Variants in KPNA3 observed in about 807,000 individuals in gnomAD.
KPNA3 encodes importin subunit alpha-4.
Under a neutral mutation model 73.8 loss-of-function variants are expected in KPNA3, and 13 were observed. The observed-to-expected ratio is 0.18, with a 90% CI of 0.11 to 0.28. The LOEUF is 0.28. KPNA3 is among the 10% of genes least tolerant of loss of function. KPNA3 has a pLI of 1.00. For missense variants in KPNA3, 360 were observed against 618.1 expected (o/e 0.58, Z 4.43); for synonymous variants, 186 against 206.9 (o/e 0.90, Z 0.87).
At chr13:49,709,191 A>C (rs1318059926) in intron 12 of KPNA3, among the ~76,000 whole-genome samples, 1 of 152,160 alleles carries the variant, frequency 6.6e-6, no homozygotes, top group Non-Finnish European at 1.5e-5. Context: ...TCACAAGGTC[A>C]GGAGTTCGAG....
At chr13:49,735,929 C>G (rs1566344611) in intron 2 of KPNA3, among the ~76,000 whole-genome samples, 1 of 152,064 alleles carries the variant, frequency 6.6e-6, no homozygotes, top group South Asian at 2.1e-4. Context: ...CTTTTCATTC[C>G]CAAATTCCTC....
At chr13:49,731,524 C>T (rs942380860) in intron 6 of KPNA3, among the ~76,000 whole-genome samples, 3 of 151,996 alleles carry the variant, frequency 2.0e-5, no homozygotes, top group South Asian at 2.1e-4. Context: ...TGGCACACAA[C>T]GAAAGCAAAT....
At chr13:49,703,752 A>G (rs554792607) in intron 15 of KPNA3, among the ~76,000 whole-genome samples, 11 of 152,176 alleles carry the variant, frequency 7.2e-5, no homozygotes, top group Non-Finnish European at 1.2e-4. Flanking sequence ...CACACATCAT[A>G]TACATGTTTA....
At chr13:49,784,992 T>C (rs1290444395) in intron 1 of KPNA3, among the ~76,000 whole-genome samples, 1 of 151,934 alleles carries the variant, frequency 6.6e-6, no homozygotes, top group African/African-American at 2.4e-5. Context: ...TATTTAAAAG[T>C]GGTAGGAATT....
intron 1 of KPNA3, among the ~76,000 whole-genome samples, chr13:49,773,687 G>C (rs149821656): frequency 1.3e-5 from 2 of 152,254 alleles, no homozygotes; most frequent in East Asian, 3.9e-4. Context: ...ACTAAGTGGT[G>C]AGCAGTTCAT....
chr13:49,768,264 G>GC (rs1231067461), intron 1 of KPNA3, among the ~76,000 whole-genome samples: 3 of 140,378 alleles, frequency 2.1e-5, no homozygotes, highest in Non-Finnish European at 4.6e-5. Flanking sequence ...GGGCAACAGT[G>GC]CGAGACTCTG....
rs1954640439 is a variant in KPNA3, at chr13:49,748,951, TG to T, written c.70-1959del. ...AACTCTATAAGCTATCTTTATTCAC[TG>T]GAAGATTAGAACTCTACCACTGTTA... On this transcript the variant is annotated intron_variant, in intron 1 of 16. Transcript: ENST00000261667. Among the ~76,000 whole-genome samples, 3 of 152,338 alleles carry T rather than the reference TG, an allele frequency of 2.0e-5. No homozygotes were observed. In the East Asian group the frequency reaches 5.8e-4, roughly 29 times the overall value.
At chr13:49,748,816 T>C (rs1186314345) in intron 1 of KPNA3, among the ~76,000 whole-genome samples, 1 of 152,170 alleles carries the variant, frequency 6.6e-6, no homozygotes, top group Non-Finnish European at 1.5e-5. Flanking sequence ...TATGTTTCTA[T>C]ATTGTGACTT....
intron 2 of KPNA3, 113 bp downstream of exon 2, chr13:49,746,836 G>T: frequency 1.4e-6 from 1 of 715,154 alleles, no homozygotes; most frequent in Non-Finnish European, 2.4e-6. Context: ...CCAGTGATGT[G>T]TGGTTTTAGG....
At chr13:49,746,484 A>C (rs1954618623) in intron 2 of KPNA3, among the ~76,000 whole-genome samples, 1 of 152,192 alleles carries the variant, frequency 6.6e-6, no homozygotes, top group African/African-American at 2.4e-5. Context: ...CAAAAAAAGA[A>C]AGAGAAAAAA....
intron 1 of KPNA3, among the ~76,000 whole-genome samples, chr13:49,787,702 C>T (rs1180316010): frequency 3.7e-5 from 5 of 134,974 alleles, no homozygotes; most frequent in Non-Finnish European, 6.3e-5. Context: ...TTTTTTGAGA[C>T]GGAGTTTCGC....
chr13:49,759,543 T>G (rs987536464), intron 1 of KPNA3, among the ~76,000 whole-genome samples: 3 of 152,192 alleles, frequency 2.0e-5, no homozygotes, highest in African/African-American at 7.2e-5. Context: ...GGCCTGAGCT[T>G]GTTTTCCTGC....
chr13:49,736,141 G>A (rs1392743679), intron 2 of KPNA3, among the ~76,000 whole-genome samples: 4 of 151,908 alleles, frequency 2.6e-5, no homozygotes, highest in Admixed American at 2.6e-4. Flanking sequence ...TAGTTCCTTG[G>A]GTTTTGTTTT....
At chr13:49,709,510 A>T (rs1954239846) in intron 12 of KPNA3, 62 bp downstream of exon 12, 1 of 1,389,126 alleles carries the variant, frequency 7.2e-7, no homozygotes, top group Non-Finnish European at 9.9e-7. Context: ...AATAGAAACA[A>T]GGAGACAGTT....
At chr13:49,713,319 C>CAG (rs1566334773) in intron 10 of KPNA3, among the ~76,000 whole-genome samples, 1 of 123,402 alleles carries the variant, frequency 8.1e-6, no homozygotes, top group African/African-American at 2.9e-5. Flanking sequence ...CACACACACA[C>CAG]AAATATATGT....
At chr13:49,746,919 T>C (rs368148820) in intron 2 of KPNA3, 30 bp downstream of exon 2, 31 of 1,533,952 alleles carry the variant, frequency 2.0e-5, no homozygotes, top group Admixed American at 1.2e-4. Context: ...AAAATCTAAT[T>C]ACTTTTCTTT....
At chr13:49,747,852 C>T (rs1163494759) in intron 1 of KPNA3, among the ~76,000 whole-genome samples, 1 of 152,130 alleles carries the variant, frequency 6.6e-6, no homozygotes, top group East Asian at 1.9e-4. Context: ...CATTTCCCTG[C>T]CCTAACTGTA....
At chr13:49,747,669 G>A (rs1485211073) in intron 1 of KPNA3, among the ~76,000 whole-genome samples, 1 of 152,238 alleles carries the variant, frequency 6.6e-6, no homozygotes, top group Non-Finnish European at 1.5e-5. Flanking sequence ...TTGAGTGACA[G>A]AGCGAGACTC....
chr13:49,754,967 A>G (rs1458409592), intron 1 of KPNA3, among the ~76,000 whole-genome samples: 1 of 152,190 alleles, frequency 6.6e-6, no homozygotes, highest in Non-Finnish European at 1.5e-5. Flanking sequence ...CACCAATTTT[A>G]TATAATCTCT....
Sources: allele counts gnomAD v4.1 joint callset (sites outside exome capture counted in the v4.1 genomes callset), GRCh38; gene constraint gnomAD v4.1.1; transcripts MANE v1.5; gene names NCBI Gene and HGNC (gene_info 2026-07-23, HGNC 2026-07-21).